LYN: variants seen among roughly 807,000 people sequenced by gnomAD.
LYN encodes tyrosine-protein kinase Lyn.
LYN carries 12 observed loss-of-function variants against 65.0 expected under a neutral mutation model. The ratio of observed to expected loss-of-function variants is 0.18; its 90% CI spans 0.12 to 0.30. The LOEUF (loss-of-function observed/expected upper bound fraction) is 0.30, where lower values mean the gene tolerates loss of function less well. Among genes scored for constraint, LYN ranks in the 10% least tolerant of loss-of-function variants. LYN has a pLI of 1.00. For synonymous variants in LYN, 222 were observed against 221.2 expected, an observed-to-expected ratio of 1.00 and a Z score of -0.03; for missense variants, 380 against 623.2, an observed-to-expected ratio of 0.61 and a Z score of 4.16.
intron 1 of LYN, among the ~76,000 whole-genome samples, chr8:55,927,881 G>C (rs1190713583): frequency 6.6e-6 from 1 of 152,078 alleles, no homozygotes; most frequent in Non-Finnish European, 1.5e-5. Context: ...ACATCTATGT[G>C]CAGGTTTTTG....
At chr8:55,978,701 G>A (rs1415039605) in intron 10 of LYN, among the ~76,000 whole-genome samples, 1 of 152,220 alleles carries the variant, frequency 6.6e-6, no homozygotes, top group African/African-American at 2.4e-5. Flanking sequence ...CCTGTAAGGA[G>A]GAGGTGGGGT....
chr8:55,965,205 A>G (rs1807413124), intron 8 of LYN, among the ~76,000 whole-genome samples: 2 of 152,354 alleles, frequency 1.3e-5, no homozygotes, highest in South Asian at 4.1e-4. Context: ...CCTCGGGGGA[A>G]CTATACTAAG....
At chr8:55,942,874 GGTGCTAAT>G (rs1288065430) in intron 2 of LYN, among the ~76,000 whole-genome samples, 1 of 151,808 alleles carries the variant, frequency 6.6e-6, no homozygotes, top group East Asian at 1.9e-4. Flanking sequence ...AACTAAAATA[GGTGCTAAT>G]GTGTCTTTTG....
Position 55,880,083 on chromosome 8 carries a change from C to A in LYN, c.-26C>A. On this transcript the variant is annotated 5_prime_UTR_variant, in exon 1 of 13. Coordinates refer to ENST00000519728, the MANE Select transcript of LYN (RefSeq NM_002350.4). Reference sequence around the variant, plus strand: ...AAGTCACCGTGGAGCTCCGCCGCCCCGAAACTTTCACCGCGAGCGGGTGAG... The same window carrying A: ...AAGTCACCGTGGAGCTCCGCCGCCCAGAAACTTTCACCGCGAGCGGGTGAG... The A allele has an allele frequency of 3.2e-6, 1 of 310,368 alleles. No homozygotes were observed. Among genetic ancestry groups the A allele is most frequent in the Non-Finnish European group, 6.5e-6 (1 of 153,222 alleles). 19.2% of individuals were successfully genotyped at this position (310,368 alleles called of 1,614,324 possible). A position where few individuals can be genotyped will look rare whatever the true frequency, so the allele number is the denominator to read the frequency against.
chr8:55,989,058 C>G (rs1277348295), intron 10 of LYN, among the ~76,000 whole-genome samples: 1 of 152,242 alleles, frequency 6.6e-6, no homozygotes, highest in African/African-American at 2.4e-5. Flanking sequence ...CTCATGTTCT[C>G]TGGTGGTAGC....
chr8:55,964,353 T>C (rs1807382465), intron 8 of LYN, among the ~76,000 whole-genome samples: 1 of 152,112 alleles, frequency 6.6e-6, no homozygotes, highest in African/African-American at 2.4e-5. Context: ...CCACCTTGTC[T>C]AGCCTCATTT....
intron 9 of LYN, 121 bp downstream of exon 9, chr8:55,967,018 T>C (rs1807479585): frequency 1.2e-6 from 1 of 868,898 alleles, no homozygotes. Context: ...TACCGAAAAA[T>C]CAGGAAATAT....
chr8:55,892,784 A>AGT (rs546212135), intron 1 of LYN, among the ~76,000 whole-genome samples: 3 of 152,100 alleles, frequency 2.0e-5, no homozygotes, highest in Non-Finnish European at 4.4e-5. Context: ...CCAATGCAGG[A>AGT]GTGTGTGTGT....
intron 1 of LYN, among the ~76,000 whole-genome samples, chr8:55,905,202 G>A (rs1302576436): frequency 1.3e-5 from 2 of 152,170 alleles, no homozygotes; most frequent in East Asian, 3.8e-4. Context: ...CCTGAGGTCA[G>A]GAGTTCAAGG....
intron 1 of LYN, among the ~76,000 whole-genome samples, chr8:55,916,963 G>A (rs898850808): frequency 6.6e-6 from 1 of 151,828 alleles, no homozygotes; most frequent in African/African-American, 2.4e-5. Flanking sequence ...GATTATTTGA[G>A]GCCAGGAGTT....
At chr8:55,964,356 C>T (rs1314334092) in intron 8 of LYN, among the ~76,000 whole-genome samples, 1 of 152,024 alleles carries the variant, frequency 6.6e-6, no homozygotes. Context: ...CCTTGTCTAG[C>T]CTCATTTTTC....
intron 10 of LYN, among the ~76,000 whole-genome samples, chr8:55,987,053 T>A (rs1296608355): frequency 1.3e-5 from 2 of 152,210 alleles, no homozygotes; most frequent in African/African-American, 4.8e-5. Context: ...ACTTTCTTAT[T>A]TCTTTTTGCC....
intron 1 of LYN, among the ~76,000 whole-genome samples, chr8:55,923,597 T>C (rs1806005210): frequency 6.6e-6 from 1 of 152,150 alleles, no homozygotes. Flanking sequence ...CTGGAGTCAG[T>C]GGCACAATCT....
chr8:55,884,686 C>A (rs1199282960), intron 1 of LYN, among the ~76,000 whole-genome samples: 4 of 150,696 alleles, frequency 2.7e-5, no homozygotes, highest in African/African-American at 9.8e-5. Context: ...AACTCCTGAC[C>A]TTAGGTGAGC....
chr8:55,915,354 T>C (rs1390119880), intron 1 of LYN, among the ~76,000 whole-genome samples: 1 of 152,194 alleles, frequency 6.6e-6, no homozygotes, highest in African/African-American at 2.4e-5. Flanking sequence ...TTAAACTCTT[T>C]AAAAAAATAC....
At chr8:55,897,798 A>G (rs1295372106) in intron 1 of LYN, among the ~76,000 whole-genome samples, 1 of 152,108 alleles carries the variant, frequency 6.6e-6, no homozygotes, top group Admixed American at 6.6e-5. Flanking sequence ...CTGTATTCCC[A>G]GCTACTCAGG....
intron 2 of LYN, 142 bp downstream of exon 2, chr8:55,942,133 A>C (rs1422355383): frequency 9.5e-6 from 8 of 838,906 alleles, no homozygotes; most frequent in Admixed American, 3.0e-5. Context: ...ATGCTTTGTA[A>C]CTTTATCCTT....
rs564580890 is a variant in LYN, at chr8:55,964,147, G to GT, written c.791-2559dup. ...TAGCTTTTTAAAAGGACCTAGGATG[G>GT]TTTTTTTTTGTCAGCTTTATGTTAC... On this transcript the variant is annotated intron_variant, in intron 8 of 12. Transcript: ENST00000519728. Among the ~76,000 whole-genome samples, 567 of 150,738 alleles carry GT rather than the reference G, an allele frequency of 3.8e-3. 3 individuals are homozygous for GT. The highest frequency in any genetic ancestry group is 0.012 in the African/African-American group (495 of 41,036).
chr8:55,955,417 T>G (rs1430418900), intron 8 of LYN: 2 of 152,210 alleles, frequency 1.3e-5, no homozygotes, highest in East Asian at 3.8e-4. Context: ...TCAGTTTCTG[T>G]TCCACTCAGC....
Sources: allele counts gnomAD v4.1 joint callset (sites outside exome capture counted in the v4.1 genomes callset), GRCh38; gene constraint gnomAD v4.1.1; transcripts MANE v1.5; gene names NCBI Gene and HGNC (gene_info 2026-07-23, HGNC 2026-07-21).